OR14I1: variants seen among roughly 807,000 people sequenced by gnomAD.
The protein encoded by OR14I1 is olfactory receptor family 14 subfamily I member 1.
For missense variants in OR14I1, 279 were observed against 181.8 expected, an observed-to-expected ratio of 1.53 and a Z score of -3.07; for synonymous variants, 118 against 71.1, an observed-to-expected ratio of 1.66 and a Z score of -3.32.
chr1:248,688,524 G>C, the OR14I1 span, among the ~76,000 whole-genome samples: 11 of 152,308 alleles, frequency 7.2e-5, no homozygotes, highest in African/African-American at 2.6e-4. Flanking sequence ...ATACTAAGTG[G>C]GTGGAACCCA....
the OR14I1 span, among the ~76,000 whole-genome samples, chr1:248,694,486 C>G: frequency 6.6e-6 from 1 of 152,172 alleles, no homozygotes; most frequent in Non-Finnish European, 1.5e-5. Context: ...ACAAACATAT[C>G]CAAATGCATC....
At chr1:248,684,386 A>G (rs61834350), upstream of OR14I1, among the ~76,000 whole-genome samples, 19,320 of 152,238 alleles carry the variant, frequency 0.13, 1,257 homozygotes, top group East Asian at 0.16. Context: ...TTGCTGTGTA[A>G]GCAGCCTACC....
chr1:248,682,992 C>T (rs929768964), upstream of OR14I1, among the ~76,000 whole-genome samples: 21 of 151,970 alleles, frequency 1.4e-4, no homozygotes, highest in African/African-American at 5.1e-4. Flanking sequence ...TCTCTGTGCC[C>T]GATGCTATTA....
chr1:248,693,473 T>C, the OR14I1 span, among the ~76,000 whole-genome samples: 1 of 152,202 alleles, frequency 6.6e-6, no homozygotes, highest in East Asian at 1.9e-4. Flanking sequence ...TTAGTAAGAA[T>C]TCATTATGAG....
chr1:248,681,684 T>A (rs757916487), exon 1 of OR14I1: 17 of 780,800 alleles, frequency 2.2e-5, no homozygotes, highest in Admixed American at 1.7e-5. Flanking sequence ...GAATAAAGCA[T>A]CCCAGAACCA....
chr1:248,678,929 C>A (rs1661517581), downstream of OR14I1, among the ~76,000 whole-genome samples: 1 of 152,118 alleles, frequency 6.6e-6, no homozygotes. Context: ...CAGAAGCTTG[C>A]AGAATTATAC....
At chr1:248,689,248 T>A in the OR14I1 span, among the ~76,000 whole-genome samples, 1 of 152,206 alleles carries the variant, frequency 6.6e-6, no homozygotes, top group African/African-American at 2.4e-5. Flanking sequence ...TTGGTCAGGT[T>A]CACTCATTTT....
At chr1:248,687,190 G>A (rs1414270342), upstream of OR14I1, among the ~76,000 whole-genome samples, 1 of 152,100 alleles carries the variant, frequency 6.6e-6, no homozygotes, top group Admixed American at 6.6e-5. Context: ...AAAAAGTAAA[G>A]GATTTATATT....
chr1:248,698,239 G>A, the OR14I1 span, among the ~76,000 whole-genome samples: 6 of 152,198 alleles, frequency 3.9e-5, no homozygotes, highest in East Asian at 7.7e-4. Context: ...CTTTAAAATA[G>A]CAATCACTCG....
the OR14I1 span, among the ~76,000 whole-genome samples, chr1:248,702,698 C>T: frequency 6.6e-6 from 1 of 152,024 alleles, no homozygotes; most frequent in South Asian, 2.1e-4. Context: ...TCCAGTGTCA[C>T]CCACCTCACT....
chr1:248,687,516 G>A, the OR14I1 span, among the ~76,000 whole-genome samples: 3 of 152,134 alleles, frequency 2.0e-5, no homozygotes, highest in African/African-American at 2.4e-5. Flanking sequence ...AAAATTAGAA[G>A]TGAATAGAAA....
chr1:248,690,122 G>T, the OR14I1 span, among the ~76,000 whole-genome samples: 2 of 152,172 alleles, frequency 1.3e-5, no homozygotes, highest in Non-Finnish European at 2.9e-5. Context: ...ACATCAGAAA[G>T]CAGGAAAGAT....
chr1:248,698,234 A>C, the OR14I1 span, among the ~76,000 whole-genome samples: 1 of 152,228 alleles, frequency 6.6e-6, no homozygotes, highest in Non-Finnish European at 1.5e-5. Context: ...ATTTGCTTTA[A>C]AATAGCAATC....
At chr1:248,691,028 T>C in the OR14I1 span, among the ~76,000 whole-genome samples, 3 of 152,148 alleles carry the variant, frequency 2.0e-5, no homozygotes, top group Non-Finnish European at 4.4e-5. Context: ...AAAGGCCTTT[T>C]TTAAGGCTGA....
upstream of OR14I1, among the ~76,000 whole-genome samples, chr1:248,685,663 G>A (rs1661638604): frequency 6.6e-6 from 1 of 150,828 alleles, no homozygotes; most frequent in Non-Finnish European, 1.5e-5. Context: ...ATATATAGTT[G>A]TGTATATATA....
At chr1:248,692,019 C>G in the OR14I1 span, 1 of 152,366 alleles carries the variant, frequency 6.6e-6, no homozygotes, top group Non-Finnish European at 1.5e-5. Flanking sequence ...GGGGCGCTCG[C>G]CCAGCAGCGG....
At chr1:248,701,966 A>AC in the OR14I1 span, among the ~76,000 whole-genome samples, 1 of 152,150 alleles carries the variant, frequency 6.6e-6, no homozygotes, top group African/African-American at 2.4e-5. Flanking sequence ...ACTTACAATC[A>AC]CGGTGGAAGG....
chr1:248,686,176 TCA>T (rs1425429703), upstream of OR14I1, among the ~76,000 whole-genome samples: 27 of 152,216 alleles, frequency 1.8e-4, no homozygotes, highest in Admixed American at 1.8e-3. Flanking sequence ...TATTTTAAAT[TCA>T]CACATGTGGT....
chr1:248,689,380 C>G, the OR14I1 span, among the ~76,000 whole-genome samples: 2 of 152,170 alleles, frequency 1.3e-5, no homozygotes, highest in Non-Finnish European at 2.9e-5. Flanking sequence ...TTCCAGGAAC[C>G]TTACCTACCA....
Sources: allele counts gnomAD v4.1 joint callset (sites outside exome capture counted in the v4.1 genomes callset), GRCh38; gene constraint gnomAD v4.1.1; transcripts MANE v1.5; gene names NCBI Gene and HGNC (gene_info 2026-07-23, HGNC 2026-07-21).